STS: variants seen among roughly 807,000 people sequenced by gnomAD.
STS encodes the protein steryl-sulfatase.
In STS, 7 loss-of-function variants were observed where a neutral mutation model predicts 26.8. The observed-to-expected ratio is 0.26, with a 90% CI of 0.15 to 0.49. STS has a LOEUF of 0.49. STS is among the 20% of genes least tolerant of loss of function. STS has a pLI of 0.98. For synonymous variants in STS, 199 were observed against 189.4 expected (o/e 1.05, Z -0.42); for missense variants, 434 against 465.6 (o/e 0.93, Z 0.63).
chrX:7,192,332 G>A (rs756509636), intron 2 of STS, among the ~76,000 whole-genome samples: 17 of 111,993 alleles, frequency 1.5e-4, no homozygotes, highest in African/African-American at 5.5e-4. Context: ...GGGAGGCCGA[G>A]GCGGGCAGAT....
chrX:7,156,263 GT>G (rs761888056), intron 1 of STS, among the ~76,000 whole-genome samples: 9 of 110,894 alleles, frequency 8.1e-5, no homozygotes, highest in Non-Finnish European at 1.3e-4. Flanking sequence ...GCATGTGTGG[GT>G]TTTTTTATTT....
At chrX:7,217,479 T>A (rs1439949853) in intron 2 of STS, among the ~76,000 whole-genome samples, 17 of 111,914 alleles carry the variant, frequency 1.5e-4, no homozygotes, top group Non-Finnish European at 1.3e-4. Flanking sequence ...CCTTCCCTCC[T>A]GAGCATGTCG....
At chrX:7,149,753 A>G (rs1174363951) in intron 1 of STS, among the ~76,000 whole-genome samples, 1 of 111,558 alleles carries the variant, frequency 9.0e-6, no homozygotes, top group African/African-American at 3.3e-5. Flanking sequence ...TGAGGAAAGG[A>G]CCTATTCCAG....
chrX:7,298,721 G>A lies in STS; in HGVS notation c.944-6325G>A, dbSNP rs1277176405. Among the ~76,000 whole-genome samples the A allele has an allele frequency of 2.7e-5, 3 of 109,473 alleles. No individual in the cohort carries two copies. In the East Asian group the frequency reaches 8.6e-4, roughly 31 times the overall value. ...GCCACCCCCAGGTGGTACAATTATT[G>A]CAACTCTTATCTATCTTAAAATTCT... On this transcript the variant is annotated intron_variant, in intron 7 of 10. Transcript: ENST00000674429.
chrX:7,224,876 C>T lies in STS; in HGVS notation c.-4-28320C>T, dbSNP rs1264105095. ...GTTTCCTACTTGGTGGAACATTTCT[C>T]TTGCTTCCAACTTTATTTTGCTCTT... On this transcript the variant is annotated intron_variant, in intron 2 of 10. Transcript: ENST00000674429. Among the ~76,000 whole-genome samples, 3 of 112,409 alleles carry T rather than the reference C, an allele frequency of 2.7e-5. No homozygotes were observed. The Admixed American group carries it at 2.8e-4, about 11-fold the overall frequency.
chrX:7,288,647 TG>T (rs1925261806), intron 7 of STS, among the ~76,000 whole-genome samples: 2 of 71,461 alleles, frequency 2.8e-5, no homozygotes, highest in Non-Finnish European at 4.9e-5. Flanking sequence ...TACGTGTGTG[TG>T]TGTGTGTGTG....
At chrX:7,345,767 C>T (rs1928496769) in intron 10 of STS, among the ~76,000 whole-genome samples, 1 of 111,637 alleles carries the variant, frequency 9.0e-6, no homozygotes, top group Non-Finnish European at 1.9e-5. Flanking sequence ...TGGAGGCCTG[C>T]GTTAGTGAGA....
Position 7,182,087 on chromosome X carries a change from C to T in STS, c.-133-8793C>T, listed in dbSNP as rs183671197. Among the ~76,000 whole-genome samples the T allele has an allele frequency of 5.7e-3, 637 of 111,347 alleles. 3 individuals carry two copies. Among genetic ancestry groups the T allele is most frequent in the African/African-American group, 0.02 (604 of 30,691 alleles). ...AGTCCCCCTGTCTCAAACAAAAAAA[C>T]AAAAAAACCTCAAAACAACCAATGA... is the stretch of plus-strand genomic sequence containing the variant. On this transcript the variant is annotated intron_variant, in intron 1 of 10. Coordinates refer to ENST00000674429, the MANE Select transcript of STS (RefSeq NM_001320752.2).
At chrX:7,333,890 T>C in intron 9 of STS, 96 bp from the exon 10 acceptor site, 1 of 1,155,847 alleles carries the variant, frequency 8.7e-7, no homozygotes. Context: ...TTGTATTAAT[T>C]ACGACTGGAG....
At chrX:7,314,982 G>T (rs1410649927) in intron 8 of STS, among the ~76,000 whole-genome samples, 1 of 111,843 alleles carries the variant, frequency 8.9e-6, no homozygotes, top group Non-Finnish European at 1.9e-5. Context: ...TATGACTGGT[G>T]GAGAAAATTT....
intron 2 of STS, among the ~76,000 whole-genome samples, chrX:7,239,834 A>G (rs1922503966): frequency 9.3e-6 from 1 of 107,165 alleles, no homozygotes; most frequent in South Asian, 4.0e-4. Context: ...AGCAAAGTCC[A>G]CTTACTTCTG....
intron 7 of STS, among the ~76,000 whole-genome samples, chrX:7,291,303 G>A (rs993380400): frequency 9.0e-6 from 1 of 111,473 alleles, no homozygotes; most frequent in Non-Finnish European, 1.9e-5. Context: ...GGCATGCAGC[G>A]CCCGTGGTTT....
At chrX:7,234,096 G>C (rs902366401) in intron 2 of STS, among the ~76,000 whole-genome samples, 5 of 111,722 alleles carry the variant, frequency 4.5e-5, no homozygotes, top group African/African-American at 1.6e-4. Flanking sequence ...TGTTCTGCCT[G>C]ATTTCCCCTG....
chrX:7,323,436 T>G (rs1037228897), intron 8 of STS, among the ~76,000 whole-genome samples: 11 of 111,343 alleles, frequency 9.9e-5, no homozygotes, highest in African/African-American at 2.9e-4. Flanking sequence ...TTATGAGTAC[T>G]GAATGTTTAG....
Position 7,165,199 on chromosome X carries a change from A to G in STS, c.-134+17116A>G, listed in dbSNP as rs762153826. On this transcript the variant is annotated intron_variant, in intron 1 of 10. Transcript: ENST00000674429. Reference sequence around the variant, plus strand: ...TCCCTTTTGTGGGATGGACTGTCCTATGCAGTGTGGGGTGTTAGTGGCTTT... The same window carrying G: ...TCCCTTTTGTGGGATGGACTGTCCTGTGCAGTGTGGGGTGTTAGTGGCTTT... Among the ~76,000 whole-genome samples the G allele has an allele frequency of 1.0e-4, 11 of 107,807 alleles. No individual in the cohort carries two copies. The South Asian group carries it at 3.4e-3, about 34-fold the overall frequency. The allele number at this position is 107,807 out of a possible 115,157, so 93.6% of individuals were successfully genotyped here. A position where few individuals can be genotyped will look rare whatever the true frequency, so the allele number is the denominator to read the frequency against.
intron 2 of STS, among the ~76,000 whole-genome samples, chrX:7,221,570 A>G (rs1333585649): frequency 2.7e-5 from 3 of 111,926 alleles, no homozygotes; most frequent in African/African-American, 6.5e-5. Flanking sequence ...CAGGAGGCCA[A>G]TGTCGTTCCC....
intron 1 of STS, among the ~76,000 whole-genome samples, chrX:7,187,001 GTTTCCC>G (rs1209005240): frequency 1.8e-5 from 2 of 111,558 alleles, no homozygotes; most frequent in Non-Finnish European, 3.8e-5. Context: ...TCCCTCAGAG[GTTTCCC>G]ACCTTGAGGC....
intron 3 of STS, among the ~76,000 whole-genome samples, chrX:7,255,567 A>T (rs1352360058): frequency 1.8e-5 from 2 of 112,047 alleles, no homozygotes; most frequent in Non-Finnish European, 3.8e-5. Flanking sequence ...GGAAGAATTC[A>T]TGGCAATATA....
At chrX:7,241,675 C>T (rs997140128) in intron 2 of STS, among the ~76,000 whole-genome samples, 1 of 112,237 alleles carries the variant, frequency 8.9e-6, no homozygotes, top group Non-Finnish European at 1.9e-5. Flanking sequence ...GAGTTATCTA[C>T]TACTGTGTAA....
Sources: gnomAD v4.1 joint callset for allele counts (sites outside exome capture counted in the v4.1 genomes callset) on GRCh38, gnomAD v4.1.1 for gene constraint, MANE v1.5 for transcripts, NCBI Gene and HGNC (gene_info 2026-07-23, HGNC 2026-07-21) for gene names.